WWOX: variants seen among roughly 807,000 people sequenced by gnomAD.
WWOX encodes WW domain containing oxidoreductase, also known as WW domain-containing oxidoreductase.
In WWOX, 69 loss-of-function variants were observed where a neutral mutation model predicts 46.2. That is an observed-to-expected ratio of 1.49 (90% CI 1.23 to 1.82). WWOX has a LOEUF of 1.82. Ranked by LOEUF, WWOX falls within the 40% of genes most tolerant of loss-of-function variation. The pLI is 0.00. For missense variants in WWOX, 919 were observed against 542.6 expected, an observed-to-expected ratio of 1.69 and a Z score of -6.89; for synonymous variants, 359 against 202.6, an observed-to-expected ratio of 1.77 and a Z score of -6.56.
rs114191260 is a variant in WWOX at position 78,800,284 on chromosome 16, C to T, written c.1056+367532C>T. ...GTCGAGCTTTTCAGCCACAGTATTTCAGACAAATGCCAGGGCCTGTTTTTC... is the reference window on the plus strand; with the variant it reads ...GTCGAGCTTTTCAGCCACAGTATTTTAGACAAATGCCAGGGCCTGTTTTTC... On this transcript the variant is annotated intron_variant, in intron 8 of 8. Transcript: ENST00000566780. Among the ~76,000 whole-genome samples, 583 of 151,478 alleles carry T rather than the reference C, an allele frequency of 3.8e-3. 3 individuals are homozygous for T. The highest frequency in any genetic ancestry group is 0.013 in the African/African-American group (551 of 41,228).
chr16:78,818,645 C>T (rs974256205), intron 8 of WWOX, among the ~76,000 whole-genome samples: 6 of 152,180 alleles, frequency 3.9e-5, no homozygotes, highest in Admixed American at 1.3e-4. Flanking sequence ...GCAGGAGGAT[C>T]ACTTGAGCCT....
At chr16:79,171,517 C>A (rs1411859611) in intron 8 of WWOX, among the ~76,000 whole-genome samples, 1 of 151,968 alleles carries the variant, frequency 6.6e-6, no homozygotes, top group Non-Finnish European at 1.5e-5. Context: ...TCCTTTTTTG[C>A]TGCTGTTTTA....
At chr16:78,684,771 T>C (rs2047816469) in intron 8 of WWOX, among the ~76,000 whole-genome samples, 1 of 152,204 alleles carries the variant, frequency 6.6e-6, no homozygotes, top group Admixed American at 6.5e-5. Flanking sequence ...AGCACCATAG[T>C]TGTCACCTAG....
chr16:78,883,595 C>G (rs1324066343), intron 8 of WWOX, among the ~76,000 whole-genome samples: 3 of 151,688 alleles, frequency 2.0e-5, no homozygotes, highest in Non-Finnish European at 4.4e-5. Context: ...GTGGTGGTGC[C>G]CACCTGTAAT....
intron 6 of WWOX, among the ~76,000 whole-genome samples, chr16:78,423,247 G>A (rs1444163316): frequency 1.3e-5 from 2 of 152,054 alleles, no homozygotes; most frequent in Admixed American, 1.3e-4. Flanking sequence ...GTTTCTGTGT[G>A]TGTCTGTGTC....
intron 8 of WWOX, among the ~76,000 whole-genome samples, chr16:78,603,608 C>A (rs1198037474): frequency 1.3e-5 from 2 of 152,072 alleles, no homozygotes; most frequent in Admixed American, 1.3e-4. Flanking sequence ...GCAGGAGAAT[C>A]GCTTGAACCC....
At chr16:78,279,132 T>G (rs1395396585) in intron 5 of WWOX, among the ~76,000 whole-genome samples, 4 of 152,130 alleles carry the variant, frequency 2.6e-5, no homozygotes, top group African/African-American at 4.8e-5. Flanking sequence ...TTTGAATAAG[T>G]AGAAAAACCA....
intron 6 of WWOX, among the ~76,000 whole-genome samples, chr16:78,406,493 C>T (rs1398979307): frequency 2.0e-5 from 3 of 150,498 alleles, no homozygotes; most frequent in African/African-American, 4.9e-5. Flanking sequence ...GCTGGGACTA[C>T]AGGCATGTGC....
At chr16:79,191,256 G>A (rs993361674) in intron 8 of WWOX, among the ~76,000 whole-genome samples, 1 of 151,606 alleles carries the variant, frequency 6.6e-6, no homozygotes, top group African/African-American at 2.4e-5. Context: ...GGGTTTCACC[G>A]TGTTGCCCAG....
At chr16:78,138,753 A>G (rs2033884719) in intron 4 of WWOX, among the ~76,000 whole-genome samples, 1 of 152,194 alleles carries the variant, frequency 6.6e-6, no homozygotes, top group South Asian at 2.1e-4. Context: ...GCTTTCAAGA[A>G]CCACGTGCAG....
At chr16:78,450,214 G>T (rs2083660631) in intron 8 of WWOX, among the ~76,000 whole-genome samples, 1 of 152,016 alleles carries the variant, frequency 6.6e-6, no homozygotes, top group Admixed American at 6.6e-5. Flanking sequence ...TTCTTCACAT[G>T]GCACCTTGTG....
At chr16:78,967,823 G>T (rs909941825) in intron 8 of WWOX, among the ~76,000 whole-genome samples, 1 of 152,104 alleles carries the variant, frequency 6.6e-6, no homozygotes, top group Non-Finnish European at 1.5e-5. Context: ...AGGCAGGATG[G>T]GAGAGGATGG....
chr16:78,770,655 GC>G (rs1438839422), intron 8 of WWOX, among the ~76,000 whole-genome samples: 1 of 144,052 alleles, frequency 6.9e-6, no homozygotes, highest in South Asian at 2.3e-4. Context: ...GGAAACTCCC[GC>G]CCCCTCCCCC....
chr16:78,557,266 A>T (rs553313898), intron 8 of WWOX, among the ~76,000 whole-genome samples: 1 of 152,180 alleles, frequency 6.6e-6, no homozygotes, highest in South Asian at 2.1e-4. Context: ...CTACCTATCT[A>T]TGATCACATA....
At chr16:78,386,392 C>T (rs533871624) in intron 5 of WWOX, among the ~76,000 whole-genome samples, 3 of 152,194 alleles carry the variant, frequency 2.0e-5, no homozygotes, top group African/African-American at 4.8e-5. Context: ...TGCTTTTGTA[C>T]TTTCTATAAA....
intron 8 of WWOX, among the ~76,000 whole-genome samples, chr16:78,776,997 G>A (rs2050207493): frequency 6.6e-6 from 1 of 152,110 alleles, no homozygotes; most frequent in Admixed American, 6.5e-5. Context: ...ACCACTCATG[G>A]CATCTCGTTT....
intron 8 of WWOX, among the ~76,000 whole-genome samples, chr16:78,467,224 T>C (rs184667086): frequency 2.8e-4 from 42 of 152,352 alleles, no homozygotes; most frequent in Admixed American, 1.0e-3. Flanking sequence ...TTTTCCCCTT[T>C]CTGGCAGAGG....
At chr16:78,660,419 C>T (rs2047183868) in intron 8 of WWOX, among the ~76,000 whole-genome samples, 1 of 152,054 alleles carries the variant, frequency 6.6e-6, no homozygotes, top group Non-Finnish European at 1.5e-5. Context: ...GTGGAAGGGG[C>T]CACTTAACAC....
chr16:78,500,854 G>C (rs1440445941), intron 8 of WWOX, among the ~76,000 whole-genome samples: 4 of 152,202 alleles, frequency 2.6e-5, no homozygotes, highest in Non-Finnish European at 5.9e-5. Context: ...TGCTGGGCCT[G>C]CTAGGAGTCG....
Sources: allele counts gnomAD v4.1 joint callset (sites outside exome capture counted in the v4.1 genomes callset), GRCh38; gene constraint gnomAD v4.1.1; transcripts MANE v1.5; gene names NCBI Gene and HGNC (gene_info 2026-07-23, HGNC 2026-07-21).